JAZF1: variants seen among roughly 807,000 people sequenced by gnomAD.
JAZF1 encodes JAZF zinc finger 1.
JAZF1 carries 8 observed loss-of-function variants against 26.4 expected under a neutral mutation model. The ratio of observed to expected loss-of-function variants is 0.30; its 90% CI spans 0.18 to 0.55. The LOEUF is 0.55. Ranked by LOEUF, JAZF1 falls within the 20% of genes least tolerant of loss-of-function variation. JAZF1 has a pLI of 0.94. For synonymous variants in JAZF1, 126 were observed against 122.3 expected, an observed-to-expected ratio of 1.03 and a Z score of -0.20; for missense variants, 199 against 322.0, an observed-to-expected ratio of 0.62 and a Z score of 2.92.
chr7:27,874,862 C>G (rs1223382746), intron 3 of JAZF1, among the ~76,000 whole-genome samples: 1 of 152,140 alleles, frequency 6.6e-6, no homozygotes, highest in East Asian at 1.9e-4. Context: ...AAACAGAAAA[C>G]AAAGCAGTGG....
chr7:28,038,248 C>T (rs1783327951), intron 1 of JAZF1, among the ~76,000 whole-genome samples: 1 of 152,026 alleles, frequency 6.6e-6, no homozygotes, highest in African/African-American at 2.4e-5. Context: ...TGAAAGAAAA[C>T]ATACAGCCTA....
chr7:28,148,175 A>G (rs1341845052), intron 1 of JAZF1, among the ~76,000 whole-genome samples: 13 of 151,906 alleles, frequency 8.6e-5, no homozygotes, highest in Admixed American at 8.5e-4. Flanking sequence ...AGTTCAAACA[A>G]TTCTCCAGCC....
At position 27,859,090 on chromosome 7, in the gene JAZF1, A is replaced by C. The variant is rs201918066; in HGVS notation, c.386-18223T>G. Among the ~76,000 whole-genome samples, 8 of 152,374 alleles carry C rather than the reference A, an allele frequency of 5.3e-5. No individual in the cohort carries two copies. In the East Asian group the frequency reaches 1.3e-3, roughly 26 times the overall value. ...GGATATGAACACACTTCTCAAAAGA[A>C]GACATTTATGCGGCCAGCAAACATA... On this transcript the variant is annotated intron_variant, in intron 3 of 4. Transcript: ENST00000283928.
intron 1 of JAZF1, among the ~76,000 whole-genome samples, chr7:27,997,852 T>C (rs1272415961): frequency 6.6e-6 from 1 of 151,946 alleles, no homozygotes; most frequent in Non-Finnish European, 1.5e-5. Context: ...GGGATTACAG[T>C]TGTGAGCCAA....
At chr7:27,953,538 A>C (rs62451152) in intron 2 of JAZF1, among the ~76,000 whole-genome samples, 4,318 of 152,242 alleles carry the variant, frequency 0.028, 86 homozygotes, top group South Asian at 0.094. Context: ...TAGGCTTCAA[A>C]AGGTTCTGTG....
intron 2 of JAZF1, among the ~76,000 whole-genome samples, chr7:27,949,080 C>T (rs548516955): frequency 6.6e-6 from 1 of 152,170 alleles, no homozygotes; most frequent in Non-Finnish European, 1.5e-5. Context: ...ATCAGTTACA[C>T]CCTTTGCATC....
intron 1 of JAZF1, among the ~76,000 whole-genome samples, chr7:28,013,773 C>T (rs1782838174): frequency 6.6e-6 from 1 of 152,092 alleles, no homozygotes; most frequent in Non-Finnish European, 1.5e-5. Context: ...GAGACCAGGG[C>T]TGAGGAAATC....
chr7:28,051,015 C>T (rs940966979), intron 1 of JAZF1, among the ~76,000 whole-genome samples: 15 of 151,166 alleles, frequency 9.9e-5, no homozygotes, highest in Admixed American at 9.9e-4. Flanking sequence ...ACCTGTAATC[C>T]CAGTTACCTG....
chr7:28,180,426 C>G, intron 1 of JAZF1, 37 bp downstream of exon 1: 1 of 1,552,986 alleles, frequency 6.4e-7, no homozygotes, highest in African/African-American at 1.4e-5. Flanking sequence ...GGAGTTTCCG[C>G]GCGCCTGGCA....
At chr7:27,906,254 G>GT (rs962341644) in intron 2 of JAZF1, among the ~76,000 whole-genome samples, 19 of 128,648 alleles carry the variant, frequency 1.5e-4, no homozygotes, top group African/African-American at 5.3e-4. Context: ...GGTGCTGGAT[G>GT]CCCCCGTTCC....
chr7:27,914,421 G>A (rs1784411614), intron 2 of JAZF1, among the ~76,000 whole-genome samples: 1 of 152,170 alleles, frequency 6.6e-6, no homozygotes, highest in Admixed American at 6.5e-5. Flanking sequence ...CACTGTGTAT[G>A]GTTGGGCCGG....
chr7:28,109,846 AAG>A (rs1784613849), intron 1 of JAZF1, among the ~76,000 whole-genome samples: 1 of 152,206 alleles, frequency 6.6e-6, no homozygotes, highest in African/African-American at 2.4e-5. Context: ...CCAACAACTG[AAG>A]AGAGAATCAG....
At chr7:28,131,247 T>C (rs1296197588) in intron 1 of JAZF1, among the ~76,000 whole-genome samples, 1 of 152,148 alleles carries the variant, frequency 6.6e-6, no homozygotes, top group East Asian at 1.9e-4. Flanking sequence ...TATGATTGAA[T>C]TGCATGTCAG....
chr7:28,054,880 A>G (rs976691852), intron 1 of JAZF1, among the ~76,000 whole-genome samples: 2 of 151,868 alleles, frequency 1.3e-5, no homozygotes, highest in African/African-American at 4.8e-5. Context: ...TCATAGACTT[A>G]CCCACACCAT....
chr7:27,869,503 G>C (rs149423721), intron 3 of JAZF1, among the ~76,000 whole-genome samples: 1 of 152,288 alleles, frequency 6.6e-6, no homozygotes, highest in South Asian at 2.1e-4. Context: ...AGCATCAGCT[G>C]TGCCATCCCC....
At chr7:27,886,465 C>CA (rs1182093770) in intron 3 of JAZF1, among the ~76,000 whole-genome samples, 4 of 152,238 alleles carry the variant, frequency 2.6e-5, no homozygotes, top group Non-Finnish European at 5.9e-5. Flanking sequence ...TTGCCCAAAT[C>CA]ACTTTCCCTA....
chr7:27,973,076 C>A (rs888743550), intron 2 of JAZF1, among the ~76,000 whole-genome samples: 4 of 151,704 alleles, frequency 2.6e-5, no homozygotes, highest in African/African-American at 9.7e-5. Flanking sequence ...AGGGAGAATA[C>A]CCGCCACAAC....
chr7:28,103,684 T>C (rs888227252), intron 1 of JAZF1, among the ~76,000 whole-genome samples: 1 of 152,158 alleles, frequency 6.6e-6, no homozygotes, highest in African/African-American at 2.4e-5. Context: ...AAACCAAACC[T>C]GTTGACCTTA....
At chr7:27,935,022 C>T (rs189878721) in intron 2 of JAZF1, among the ~76,000 whole-genome samples, 6 of 152,128 alleles carry the variant, frequency 3.9e-5, no homozygotes, top group East Asian at 1.9e-4. Context: ...ATAAATAATC[C>T]AATTAAATAA....
Sources: allele counts gnomAD v4.1 joint callset (sites outside exome capture counted in the v4.1 genomes callset), GRCh38; gene constraint gnomAD v4.1.1; transcripts MANE v1.5; gene names NCBI Gene and HGNC (gene_info 2026-07-23, HGNC 2026-07-21).